Variants in DOK6 observed in about 807,000 individuals in gnomAD.
DOK6 encodes the protein downstream of tyrosine kinase 6.
In DOK6, 22 loss-of-function variants were observed where a neutral mutation model predicts 44.0. The observed-to-expected ratio is 0.50, with a 90% CI of 0.36 to 0.71. The LOEUF is 0.71. DOK6 is among the 30% of genes least tolerant of loss of function. The pLI, the probability that DOK6 is intolerant of heterozygous loss-of-function variation, is 0.00. For synonymous variants in DOK6, 166 were observed against 145.5 expected, an observed-to-expected ratio of 1.14 and a Z score of -1.01; for missense variants, 340 against 416.4, an observed-to-expected ratio of 0.82 and a Z score of 1.60.
At chr18:69,517,027 T>C (rs1267962449) in intron 1 of DOK6, among the ~76,000 whole-genome samples, 7 of 152,130 alleles carry the variant, frequency 4.6e-5, no homozygotes, top group Non-Finnish European at 8.8e-5. Flanking sequence ...TCTACAAGAA[T>C]TTTGAGGTTG....
At chr18:69,752,968 T>C (rs183147508) in intron 6 of DOK6, among the ~76,000 whole-genome samples, 206 of 152,304 alleles carry the variant, frequency 1.4e-3, no homozygotes, top group African/African-American at 4.7e-3. Context: ...GGATCTGTAC[T>C]GTCCTGGTCA....
intron 1 of DOK6, among the ~76,000 whole-genome samples, chr18:69,423,010 A>G (rs540339685): frequency 6.6e-6 from 1 of 152,166 alleles, no homozygotes; most frequent in Non-Finnish European, 1.5e-5. Context: ...ATTTTTTAAC[A>G]TAGAAAAATG....
At chr18:69,432,965 A>C (rs1978849179) in intron 1 of DOK6, among the ~76,000 whole-genome samples, 1 of 152,114 alleles carries the variant, frequency 6.6e-6, no homozygotes, top group African/African-American at 2.4e-5. Flanking sequence ...CAAGGCTTTG[A>C]GGTTATGGAC....
intron 3 of DOK6, among the ~76,000 whole-genome samples, chr18:69,631,167 G>A (rs1201311571): frequency 2.0e-5 from 3 of 151,930 alleles, no homozygotes; most frequent in Admixed American, 1.3e-4. Flanking sequence ...ATTCCTCCCG[G>A]ATCAAACATC....
At chr18:69,761,207 A>C (rs1979541437) in intron 7 of DOK6, among the ~76,000 whole-genome samples, 1 of 150,750 alleles carries the variant, frequency 6.6e-6, no homozygotes, top group Admixed American at 6.6e-5. Context: ...ATCTATTAAG[A>C]GCCTGCCTTT....
At chr18:69,584,463 G>A (rs1032501643) in intron 2 of DOK6, among the ~76,000 whole-genome samples, 1 of 152,066 alleles carries the variant, frequency 6.6e-6, no homozygotes, top group South Asian at 2.1e-4. Flanking sequence ...GCTAACTTTT[G>A]TATTTTTCAA....
At chr18:69,649,934 C>T (rs1280897698) in intron 3 of DOK6, among the ~76,000 whole-genome samples, 1 of 151,982 alleles carries the variant, frequency 6.6e-6, no homozygotes, top group East Asian at 1.9e-4. Flanking sequence ...AAAAGTAAAA[C>T]TTGACCCACT....
intron 1 of DOK6, among the ~76,000 whole-genome samples, chr18:69,412,113 T>C (rs1323744016): frequency 6.6e-6 from 1 of 152,150 alleles, no homozygotes; most frequent in Non-Finnish European, 1.5e-5. Context: ...TATATACTTT[T>C]TGTATGTGTG....
intron 1 of DOK6, among the ~76,000 whole-genome samples, chr18:69,521,397 T>A (rs1160839317): frequency 2.6e-5 from 4 of 151,660 alleles, no homozygotes; most frequent in Admixed American, 2.6e-4. Flanking sequence ...AACCAAAGTG[T>A]TTTTTTAGGA....
chr18:69,807,892 G>GA (rs1260562405), intron 7 of DOK6, among the ~76,000 whole-genome samples: 4 of 151,378 alleles, frequency 2.6e-5, no homozygotes, highest in East Asian at 1.9e-4. Flanking sequence ...ATCATCCAGA[G>GA]AAAAAAAATC....
At chr18:69,796,274 T>C (rs919520472) in intron 7 of DOK6, among the ~76,000 whole-genome samples, 4 of 152,176 alleles carry the variant, frequency 2.6e-5, no homozygotes, top group African/African-American at 7.2e-5. Context: ...AAACAATTTC[T>C]CTAATCCCCA....
chr18:69,765,187 T>C (rs892485043), intron 7 of DOK6, among the ~76,000 whole-genome samples: 1 of 152,194 alleles, frequency 6.6e-6, no homozygotes, highest in Non-Finnish European at 1.5e-5. Flanking sequence ...CTATTGAGAT[T>C]TTCTATTTTG....
chr18:69,511,976 C>T (rs75109112), intron 1 of DOK6, among the ~76,000 whole-genome samples: 6,541 of 152,146 alleles, frequency 0.043, 210 homozygotes, highest in Admixed American at 0.095. Context: ...CTGATAATAT[C>T]AGTTGGATTA....
intron 3 of DOK6, among the ~76,000 whole-genome samples, chr18:69,630,851 C>T (rs1984674395): frequency 6.6e-6 from 1 of 152,074 alleles, no homozygotes; most frequent in Admixed American, 6.6e-5. Context: ...TTTTGTCTTA[C>T]TCAGAAAAGT....
intron 3 of DOK6, among the ~76,000 whole-genome samples, chr18:69,649,098 A>G (rs372257023): frequency 2.6e-4 from 40 of 152,156 alleles, no homozygotes; most frequent in African/African-American, 8.7e-4. Context: ...CCCACTGGAG[A>G]AGTCTGTGGA....
intron 5 of DOK6, among the ~76,000 whole-genome samples, chr18:69,721,855 A>G (rs1978289159): frequency 6.6e-6 from 1 of 152,230 alleles, no homozygotes; most frequent in Admixed American, 6.5e-5. Context: ...GTCTTTTTAA[A>G]TAGAATGAAG....
chr18:69,473,559 T>C (rs1980176477), intron 1 of DOK6, among the ~76,000 whole-genome samples: 1 of 152,206 alleles, frequency 6.6e-6, no homozygotes, highest in East Asian at 1.9e-4. Flanking sequence ...ATTTTCTGTC[T>C]GGAGTCTGTC....
chr18:69,598,898 T>C (rs775863118), intron 2 of DOK6, among the ~76,000 whole-genome samples: 1 of 152,136 alleles, frequency 6.6e-6, no homozygotes, highest in Non-Finnish European at 1.5e-5. Context: ...AGTCTATTGC[T>C]CTAAAATGTA....
rs984181067 is a variant in DOK6 at position 69,497,194 on chromosome 18, A to G, written c.67-67293A>G. Reference sequence around the variant, plus strand: ...TAAAATATTGCCTGGAAAGCTACGCATAAGATTATTATCAAACCTTCTAAA... The same window carrying G: ...TAAAATATTGCCTGGAAAGCTACGCGTAAGATTATTATCAAACCTTCTAAA... On this transcript the variant is annotated intron_variant, in intron 1 of 7. Coordinates refer to ENST00000382713, the MANE Select transcript of DOK6 (RefSeq NM_152721.6). Among the ~76,000 whole-genome samples the G allele has an allele frequency of 2.6e-5, 4 of 152,370 alleles. No individual in the cohort carries two copies. The East Asian group carries it at 7.7e-4, about 29-fold the overall frequency.
Sources: allele counts gnomAD v4.1 joint callset (sites outside exome capture counted in the v4.1 genomes callset), GRCh38; gene constraint gnomAD v4.1.1; transcripts MANE v1.5; gene names NCBI Gene and HGNC (gene_info 2026-07-23, HGNC 2026-07-21).